The following SLC9C2 variants were observed in gnomAD, a reference collection of about 807,000 sequenced individuals.
SLC9C2 encodes solute carrier family 9 member C2 (putative).
SLC9C2 carries 75 observed loss-of-function variants against 140.2 expected under a neutral mutation model. The observed-to-expected ratio is 0.53, with a 90% CI of 0.44 to 0.65. The LOEUF is 0.65. Among genes scored for constraint, SLC9C2 ranks in the 30% least tolerant of loss-of-function variants. The probability of loss-of-function intolerance (pLI) is 0.00; values close to 1 mark genes in which losing one functional copy is unlikely to be tolerated. For synonymous variants in SLC9C2, 375 were observed against 420.9 expected, an observed-to-expected ratio of 0.89 and a Z score of 1.34; for missense variants, 1,074 against 1,331.8, an observed-to-expected ratio of 0.81 and a Z score of 3.01.
At chr1:173,594,225 G>A (rs1263429504) in intron 4 of SLC9C2, among the ~76,000 whole-genome samples, 1 of 152,126 alleles carries the variant, frequency 6.6e-6, no homozygotes, top group Non-Finnish European at 1.5e-5. Context: ...CTAGATAGGA[G>A]TAAGTTCTAG....
At chr1:173,563,107 C>T (rs963314914) in intron 9 of SLC9C2, among the ~76,000 whole-genome samples, 12 of 151,554 alleles carry the variant, frequency 7.9e-5, no homozygotes, top group African/African-American at 2.2e-4. Context: ...TGAAGGGCAG[C>T]CAGAGGATAG....
chr1:173,527,522 C>T (rs796538565), intron 18 of SLC9C2, among the ~76,000 whole-genome samples: 5 of 152,300 alleles, frequency 3.3e-5, no homozygotes, highest in African/African-American at 1.2e-4. Flanking sequence ...CTGAAGAAAT[C>T]ACTGCACTCC....
At chr1:173,583,737 C>T (rs148155621) in intron 5 of SLC9C2, 115 bp from the exon 6 acceptor site, 87 of 596,360 alleles carry the variant, frequency 1.5e-4, no homozygotes, top group African/African-American at 1.4e-3. Context: ...AAGAACAAGG[C>T]AACTATGACT....
intron 9 of SLC9C2, among the ~76,000 whole-genome samples, chr1:173,558,781 T>C (rs947964987): frequency 6.6e-6 from 1 of 152,232 alleles, no homozygotes; most frequent in African/African-American, 2.4e-5. Context: ...GCTCATCCTC[T>C]CTGAAATATT....
intron 22 of SLC9C2, among the ~76,000 whole-genome samples, chr1:173,519,291 A>G (rs1660638954): frequency 6.6e-6 from 1 of 152,144 alleles, no homozygotes; most frequent in Non-Finnish European, 1.5e-5. Flanking sequence ...GCCTTGAAGA[A>G]GCAAGGACTT....
intron 25 of SLC9C2, among the ~76,000 whole-genome samples, chr1:173,505,662 T>A (rs1659584875): frequency 6.6e-6 from 1 of 152,208 alleles, no homozygotes; most frequent in Admixed American, 6.5e-5. Context: ...AGGCTCAGCA[T>A]TCCCAGGATG....
chr1:173,577,592 G>A (rs1203791253), intron 7 of SLC9C2, among the ~76,000 whole-genome samples: 3 of 152,182 alleles, frequency 2.0e-5, no homozygotes, highest in African/African-American at 7.2e-5. Context: ...GGGGAAAGCA[G>A]AGCTGGTTGC....
intron 24 of SLC9C2, among the ~76,000 whole-genome samples, 173 bp from the exon 25 acceptor site, chr1:173,507,214 T>C (rs1571420972): frequency 6.6e-6 from 1 of 152,192 alleles, no homozygotes; most frequent in Non-Finnish European, 1.5e-5. Context: ...GACAAATTTC[T>C]AAATTCCAAA....
At chr1:173,571,372 T>G (rs1426546845) in intron 9 of SLC9C2, 2 of 152,290 alleles carry the variant, frequency 1.3e-5, no homozygotes, top group African/African-American at 4.8e-5. Context: ...GCCTCCCTGC[T>G]GTTTATTGCA....
At chr1:173,566,609 T>C (rs896470512) in intron 9 of SLC9C2, among the ~76,000 whole-genome samples, 33 of 152,010 alleles carry the variant, frequency 2.2e-4, no homozygotes, top group Admixed American at 3.9e-4. Context: ...CATTTTTGTT[T>C]ATCTTTTCAA....
At chr1:173,529,492 T>C (rs1661419641) in intron 18 of SLC9C2, among the ~76,000 whole-genome samples, 1 of 151,944 alleles carries the variant, frequency 6.6e-6, no homozygotes, top group South Asian at 2.1e-4. Flanking sequence ...TACCAGGATT[T>C]CAACTTTTCA....
chr1:173,561,846 CACACACACAGACACAG>C (rs1054236803), intron 9 of SLC9C2, among the ~76,000 whole-genome samples: 3 of 131,188 alleles, frequency 2.3e-5, no homozygotes, highest in African/African-American at 1.2e-4. Context: ...ATAAGATACA[CACACACACAGACACAG>C]ACACACACAC....
chr1:173,508,772 A>C (rs1303806399), intron 24 of SLC9C2, among the ~76,000 whole-genome samples: 1 of 152,222 alleles, frequency 6.6e-6, no homozygotes, highest in Non-Finnish European at 1.5e-5. Flanking sequence ...GTTACTAAAT[A>C]GGATACAAAT....
rs147977923 is a variant in SLC9C2 at position 173,549,310 on chromosome 1, G to T, written c.1298-758C>A. On this transcript the variant is annotated intron_variant, in intron 11 of 27. Coordinates refer to ENST00000367714, the MANE Select transcript of SLC9C2 (RefSeq NM_178527.4). ...TACAATGGAGTGATTTGAAGTTTGG[G>T]GATTCAGAAAGATCTGTAGGGATAT... Among the ~76,000 whole-genome samples the T allele has an allele frequency of 2.0e-3, 299 of 152,286 alleles. 1 individual carries two copies. The highest frequency in any genetic ancestry group is 3.4e-3 in the Non-Finnish European group (232 of 68,028).
Position 173,536,903 on chromosome 1 carries a change from C to G in SLC9C2, c.1655+39G>C, listed in dbSNP as rs182332930. 1,292 of 1,389,004 alleles carry G rather than the reference C, an allele frequency of 9.3e-4. 11 individuals carry two copies. The African/African-American group carries it at 0.016, about 17-fold the overall frequency. 86.0% of individuals were successfully genotyped at this position (1,389,004 alleles called of 1,614,324 possible). On this transcript the variant is annotated intron_variant, in intron 14 of 27. Transcript: ENST00000367714. Reference sequence around the variant, plus strand: ...ATTCATTCTTCATCATATAGTCATTCAATTTTGGAAATATCAATTAAAGAA... The same window carrying G: ...ATTCATTCTTCATCATATAGTCATTGAATTTTGGAAATATCAATTAAAGAA...
rs1429028251 is a variant in SLC9C2, at chr1:173,532,448, A to C, written c.2163+1161T>G. On this transcript the variant is annotated intron_variant, in intron 17 of 27. Coordinates refer to ENST00000367714, the MANE Select transcript of SLC9C2 (RefSeq NM_178527.4). Reference sequence around the variant, plus strand: ...TTAAGAATTGAAACTGAAAGTATAAAAATCTGCCTTCAGTATCAAAACCAG... The same window carrying C: ...TTAAGAATTGAAACTGAAAGTATAACAATCTGCCTTCAGTATCAAAACCAG... Among the ~76,000 whole-genome samples the C allele has an allele frequency of 3.9e-5, 6 of 152,348 alleles. No individual in the cohort carries two copies. The East Asian group carries it at 1.2e-3, about 29-fold the overall frequency.
At chr1:173,569,982 C>T (rs1483143313) in intron 9 of SLC9C2, among the ~76,000 whole-genome samples, 5 of 152,142 alleles carry the variant, frequency 3.3e-5, no homozygotes, top group African/African-American at 1.2e-4. Flanking sequence ...ACACCACCAC[C>T]CATGTTCACT....
intron 13 of SLC9C2, among the ~76,000 whole-genome samples, chr1:173,541,791 A>G (rs1662442787): frequency 6.6e-6 from 1 of 152,226 alleles, no homozygotes; most frequent in Non-Finnish European, 1.5e-5. Flanking sequence ...GGCAGAAATA[A>G]AGATGTTCTT....
At position 173,524,032 on chromosome 1, in the gene SLC9C2, A is replaced by C; in HGVS notation, c.2577T>G (p.Pro859=). The C allele has an allele frequency of 6.2e-7, 1 of 1,613,786 alleles. No homozygotes were observed. The highest frequency in any genetic ancestry group is 8.5e-7 in the Non-Finnish European group (1 of 1,179,858). Residue 859 remains proline (P), a synonymous_variant, in exon 21 of 28, where the codon CCT becomes CCG. Coordinates refer to ENST00000367714, the MANE Select transcript of SLC9C2 (RefSeq NM_178527.4). The part of the protein sequence containing the change: ...NFPKAIPPPT[P]DIYLHNIIWL... ...AAATGATGTTGTGAAGGTATATGTC[A>C]GGAGTTGGGGGTGGGATTGCCTTTG... is the stretch of plus-strand genomic sequence containing the variant.
Sources: allele counts gnomAD v4.1 joint callset (sites outside exome capture counted in the v4.1 genomes callset), GRCh38; gene constraint gnomAD v4.1.1; transcripts MANE v1.5; gene names NCBI Gene and HGNC (gene_info 2026-07-23, HGNC 2026-07-21).